Variants in SYNE2 observed in about 807,000 individuals in gnomAD.
SYNE2 encodes the protein nesprin-2.
In SYNE2, 431 loss-of-function variants were observed where a neutral mutation model predicts 856.3. The ratio of observed to expected loss-of-function variants is 0.50; its 90% CI spans 0.47 to 0.55. SYNE2 has a LOEUF of 0.55. Among genes scored for constraint, SYNE2 ranks in the 20% least tolerant of loss-of-function variants. The pLI, the probability that SYNE2 is intolerant of heterozygous loss-of-function variation, is 0.00. For synonymous variants in SYNE2, 2,923 were observed against 2,872.3 expected (o/e 1.02, Z -0.56); for missense variants, 8,129 against 8,023.2 (o/e 1.01, Z -0.50).
At position 63,815,087 on chromosome 14, in the gene SYNE2, T is replaced by TAC. The variant is rs1187802111; in HGVS notation, c.-304-37413_-304-37412insCA. 4.4e-3 allele frequency among the ~76,000 whole-genome samples: 591 copies of TAC among 132,902 alleles called. 33 individuals carry two copies. Among genetic ancestry groups the TAC allele is most frequent in the Middle Eastern group, 0.013 (3 of 234 alleles). 87.2% of individuals were successfully genotyped at this position (132,902 alleles called of 152,430 possible). On this transcript the variant is annotated intron_variant, in intron 1 of 23. Transcript: ENST00000674003. ...ACATCCACATATATATATCCATATATATGCACATATATATCCACACATATA... is the reference window on the plus strand; with the variant it reads ...ACATCCACATATATATATCCATATATACATGCACATATATATCCACACATATA...
chr14:64,003,293 G>A lies in SYNE2; in HGVS notation c.4360G>A (p.Gly1454Ser), dbSNP rs1351110221. ...QDVQSQISKI[G>S]LKDPTVPAVK... ...TGTGCAGAGTCAAATCAGTAAAATT[G>A]GTCTTAAGGATCCTACTGTTCCAGC... Residue 1454 changes from glycine (G) to serine (S), a missense_variant, in exon 30 of 116, where the codon GGT becomes AGT. Physicochemically the swap from Gly to Ser is moderately conservative, Grantham distance 56. This residue lies in a region of SYNE2 where 2,422 missense variants were observed against 2,357.4 expected (regional missense o/e 1.03). Transcript: ENST00000555002. The A allele has an allele frequency of 1.9e-6, 3 of 1,614,052 alleles. No individual in the cohort carries two copies. The highest frequency in any genetic ancestry group is 1.6e-4 in the Middle Eastern group (1 of 6,062).
intron 21 of SYNE2, 86 bp from the exon 22 acceptor site, chr14:63,993,749 A>G (rs1594738065): frequency 8.0e-7 from 1 of 1,242,426 alleles, no homozygotes; most frequent in Non-Finnish European, 1.1e-6. Context: ...AGTTAAAGAC[A>G]TACCAAAATT....
chr14:64,052,205 G>A lies in SYNE2; in HGVS notation c.8292G>A (p.Gln2764=). 6.2e-7 allele frequency: 1 copy of A among 1,614,160 alleles called. No homozygotes were observed. Among genetic ancestry groups the A allele is most frequent in the South Asian group, 1.1e-5 (1 of 91,080 alleles). Residue 2764 remains glutamine, a synonymous_variant, in exon 48 of 116, where the codon CAG becomes CAA. Transcript: ENST00000555002. ...TTCTCCCAGATGACATTCTTTCACA[G>A]ATCAGAAAGTGCAAAGTGACACATG... ...IPLLPDDILS[Q]IRKCKVTHDG... is the part of the protein sequence containing the mutation.
intron 100 of SYNE2, chr14:64,204,309 C>G (rs944705719): frequency 1.3e-5 from 2 of 152,108 alleles, no homozygotes; most frequent in Non-Finnish European, 2.9e-5. Context: ...GTTTTACTTA[C>G]AAGTGTGATC....
upstream of SYNE2, among the ~76,000 whole-genome samples, chr14:63,850,690 C>T (rs952233193): frequency 6.6e-6 from 1 of 152,004 alleles, no homozygotes; most frequent in Admixed American, 6.6e-5. Flanking sequence ...CTAAGAGACA[C>T]CACAGGTAAT....
chr14:64,141,585 A>C, intron 81 of SYNE2, 62 bp downstream of exon 81: 1 of 1,548,218 alleles, frequency 6.5e-7, no homozygotes, highest in South Asian at 1.1e-5. Context: ...AACTCTTTTA[A>C]AATTATTTCT....
At chr14:64,044,832 C>A (rs1595103662) in intron 45 of SYNE2, among the ~76,000 whole-genome samples, 1 of 152,284 alleles carries the variant, frequency 6.6e-6, no homozygotes, top group African/African-American at 2.4e-5. Context: ...GAGGCTTCCC[C>A]ACCCACATGG....
At position 64,051,791 on chromosome 14, in the gene SYNE2, T is replaced by C. The variant is rs965935317; in HGVS notation, c.7878T>C (p.Asp2626=). ...KKYSQQVVEY[D]EFTTLMNKVQ... ...ATTCTCAGCAGGTAGTGGAATATGA[T>C]GAATTTACAACCCTCATGAATAAGG... Residue 2626 remains aspartate, a synonymous_variant, in exon 48 of 116, where the codon GAT becomes GAC. Transcript: ENST00000555002. 19 of 1,614,026 alleles carry C rather than the reference T, an allele frequency of 1.2e-5. No individual in the cohort carries two copies. Among genetic ancestry groups the C allele is most frequent in the Admixed American group, 1.7e-5 (1 of 59,996 alleles).
intron 66 of SYNE2, among the ~76,000 whole-genome samples, chr14:64,115,891 C>A (rs905001780): frequency 1.7e-5 from 2 of 119,018 alleles, no homozygotes; most frequent in African/African-American, 8.6e-5. Context: ...TGGTGGCTCA[C>A]GCCTGTAATC....
rs760429186 is a variant in SYNE2, at chr14:64,223,143, T to A, written c.20191-46T>A. ...AAAAACCTCCTGTGTCCACACTCGC[T>A]TCCCTTTGGACAGGTCACTGTTTCA... On this transcript the variant is annotated intron_variant, in intron 112 of 115. Coordinates refer to ENST00000555002, the MANE Select transcript of SYNE2 (RefSeq NM_182914.3). The A allele has an allele frequency of 9.3e-6, 15 of 1,608,064 alleles. No individual in the cohort carries two copies. The South Asian group carries it at 1.4e-4, about 15-fold the overall frequency.
At chr14:64,040,991 A>G (rs1393769835) in intron 45 of SYNE2, among the ~76,000 whole-genome samples, 4 of 152,178 alleles carry the variant, frequency 2.6e-5, no homozygotes, top group Non-Finnish European at 5.9e-5. Flanking sequence ...ATTACCTCTA[A>G]TAAAACAAGT....
At chr14:64,055,857 T>C (rs1595181442) in intron 48 of SYNE2, 87 bp from the exon 49 acceptor site, 1 of 909,282 alleles carries the variant, frequency 1.1e-6, no homozygotes. Context: ...CAGAGACATA[T>C]TATCTATGTA....
intron 98 of SYNE2, among the ~76,000 whole-genome samples, chr14:64,189,496 T>C (rs1414874593): frequency 6.6e-6 from 1 of 152,202 alleles, no homozygotes; most frequent in Non-Finnish European, 1.5e-5. Flanking sequence ...CTGTAACTGA[T>C]AGCAGCCTAA....
chr14:63,769,315 C>G (rs575670260), intron 1 of SYNE2, among the ~76,000 whole-genome samples: 1 of 152,118 alleles, frequency 6.6e-6, no homozygotes, highest in South Asian at 2.1e-4. Context: ...TGGCTCATGC[C>G]TGTAATCCCA....
rs2095638240 is a variant in SYNE2 at position 63,924,660 on chromosome 14, T to TC, written c.79+15434dup. ...TTCAAATAGCAATTTCTTGATTTTT[T>TC]CATTGGCAGTATATAGAAGTACAAT... On this transcript the variant is annotated intron_variant, in intron 2 of 115. Transcript: ENST00000555002. 2.0e-5 allele frequency among the ~76,000 whole-genome samples: 3 copies of TC among 152,188 alleles called. No homozygotes were observed. In the South Asian group the frequency reaches 6.2e-4, roughly 32 times the overall value.
chr14:63,807,840 T>TATA (rs1566578895), intron 1 of SYNE2, among the ~76,000 whole-genome samples: 1 of 96,324 alleles, frequency 1.0e-5, no homozygotes, highest in Non-Finnish European at 2.2e-5. Context: ...TATATATATA[T>TATA]ATATATATAT....
At chr14:63,958,227 AATACTTTATTC>A (rs1188230010) in intron 8 of SYNE2, among the ~76,000 whole-genome samples, 1 of 152,164 alleles carries the variant, frequency 6.6e-6, no homozygotes, top group Non-Finnish European at 1.5e-5. Context: ...AAATTAAGGT[AATACTTTATTC>A]ATATTTTCTT....
rs184322861 is a variant in SYNE2, at chr14:63,879,898, C to T, written c.-52+26755C>T. ...CAACCAGCAAAGGATATCGCAGTTG[C>T]GTAGAAATTAAATCTCTAAAGTTAG... On this transcript the variant is annotated intron_variant, in intron 1 of 115. Transcript: ENST00000555002. 1.8e-4 allele frequency among the ~76,000 whole-genome samples: 27 copies of T among 152,270 alleles called. No individual in the cohort carries two copies. In the East Asian group the frequency reaches 5.0e-3, roughly 28 times the overall value.
At chr14:64,011,420 G>A (rs755286957) in intron 32 of SYNE2, among the ~76,000 whole-genome samples, 6 of 152,096 alleles carry the variant, frequency 3.9e-5, no homozygotes, top group South Asian at 2.1e-4. Flanking sequence ...GATTTAAAGA[G>A]CTCTGGTTTC....
Sources: gnomAD v4.1 joint callset for allele counts (sites outside exome capture counted in the v4.1 genomes callset) on GRCh38, gnomAD v4.1.1 for gene constraint, gnomAD v4.1.1 regional missense constraint, MANE v1.5 for transcripts, NCBI Gene and HGNC (gene_info 2026-07-23, HGNC 2026-07-21) for gene names.